Variants in ETV6 observed in about 807,000 individuals in gnomAD.
The protein encoded by ETV6 is ETS variant transcription factor 6.
A neutral mutation model predicts 51.1 loss-of-function variants in ETV6; 16 were observed. That is an observed-to-expected ratio of 0.31 (90% CI 0.21 to 0.48). The LOEUF is 0.48. Ranked by LOEUF, ETV6 falls within the 20% of genes least tolerant of loss-of-function variation. The pLI is 0.99. For missense variants in ETV6, 458 were observed against 594.8 expected, an observed-to-expected ratio of 0.77 and a Z score of 2.39; for synonymous variants, 240 against 224.1, an observed-to-expected ratio of 1.07 and a Z score of -0.64.
intron 1 of ETV6, among the ~76,000 whole-genome samples, chr12:11,706,295 C>T (rs1490230881): frequency 6.6e-6 from 1 of 152,192 alleles, no homozygotes; most frequent in Non-Finnish European, 1.5e-5. Flanking sequence ...TCTTACTGTC[C>T]TTGTACACAT....
At chr12:11,749,341 ACACACACAC>A (rs1865975106) in intron 1 of ETV6, among the ~76,000 whole-genome samples, 1 of 111,068 alleles carries the variant, frequency 9.0e-6, no homozygotes. Flanking sequence ...ACACACACAC[ACACACACAC>A]CCCTACTCCC....
At chr12:11,848,652 A>T (rs973492102) in intron 3 of ETV6, among the ~76,000 whole-genome samples, 1 of 152,232 alleles carries the variant, frequency 6.6e-6, no homozygotes, top group African/African-American at 2.4e-5. Flanking sequence ...CCAGGAGTAT[A>T]TCTAGATTTT....
Position 11,891,145 on chromosome 12 carries a change from G to T in ETV6, c.*99G>T. The T allele has an allele frequency of 6.7e-6, 6 of 901,098 alleles. No homozygotes were observed. Among genetic ancestry groups the T allele is most frequent in the Non-Finnish European group, 3.5e-6 (2 of 575,924 alleles). 55.8% of individuals were successfully genotyped at this position (901,098 alleles called of 1,614,324 possible). A position where few individuals can be genotyped will look rare whatever the true frequency, so the allele number is the denominator to read the frequency against. ...CGGAGCAGGCGGGCTGAGGAGAGTGGAAAAGGAAGCGACCCAGAAATGGCA... is the reference window on the plus strand; with the variant it reads ...CGGAGCAGGCGGGCTGAGGAGAGTGTAAAAGGAAGCGACCCAGAAATGGCA... On this transcript the variant is annotated 3_prime_UTR_variant, in exon 8 of 8. Coordinates refer to ENST00000396373, the MANE Select transcript of ETV6 (RefSeq NM_001987.5).
At chr12:11,873,506 T>C (rs1946917982) in intron 5 of ETV6, among the ~76,000 whole-genome samples, 1 of 44,270 alleles carries the variant, frequency 2.3e-5, no homozygotes, top group Admixed American at 3.0e-4. Context: ...AAAACTTAGT[T>C]CCTTAAAGCT....
chr12:11,710,812 A>G (rs1865159410), intron 1 of ETV6, among the ~76,000 whole-genome samples: 1 of 152,176 alleles, frequency 6.6e-6, no homozygotes, highest in African/African-American at 2.4e-5. Flanking sequence ...CCTGAGCCCT[A>G]AGAAGAAATC....
At chr12:11,686,462 T>G (rs568024872) in intron 1 of ETV6, among the ~76,000 whole-genome samples, 1 of 152,364 alleles carries the variant, frequency 6.6e-6, no homozygotes, top group South Asian at 2.1e-4. Context: ...TTTGCACACC[T>G]TGATTGTCAG....
intron 1 of ETV6, among the ~76,000 whole-genome samples, chr12:11,688,641 T>C (rs1177935879): frequency 6.6e-6 from 1 of 152,198 alleles, no homozygotes; most frequent in Non-Finnish European, 1.5e-5. Context: ...CTCAGGGCCC[T>C]CTTTATGCTT....
intron 2 of ETV6, among the ~76,000 whole-genome samples, chr12:11,766,025 A>G (rs12304250): frequency 0.025 from 3,870 of 152,220 alleles, 164 homozygotes; most frequent in African/African-American, 0.084. Flanking sequence ...GGCGGCTCAC[A>G]GGAGGTGATG....
At chr12:11,842,770 A>G (rs1946409779) in intron 3 of ETV6, among the ~76,000 whole-genome samples, 1 of 152,232 alleles carries the variant, frequency 6.6e-6, no homozygotes, top group African/African-American at 2.4e-5. Context: ...AAAGCAGGAA[A>G]GCTAGTTAGA....
chr12:11,799,514 C>A (rs984915293), intron 2 of ETV6, among the ~76,000 whole-genome samples: 1 of 152,156 alleles, frequency 6.6e-6, no homozygotes, highest in Non-Finnish European at 1.5e-5. Context: ...GAGAGGAGAA[C>A]CCGTGGCTCT....
chr12:11,715,385 A>G (rs1865255372), intron 1 of ETV6, among the ~76,000 whole-genome samples: 1 of 152,206 alleles, frequency 6.6e-6, no homozygotes, highest in Non-Finnish European at 1.5e-5. Flanking sequence ...GGTCACCATT[A>G]CTAGATACAT....
At chr12:11,819,428 G>A (rs931947271) in intron 2 of ETV6, among the ~76,000 whole-genome samples, 15 of 152,152 alleles carry the variant, frequency 9.9e-5, no homozygotes, top group Admixed American at 2.0e-4. Flanking sequence ...CTACTCCAGC[G>A]GCTTCAACGA....
chr12:11,713,959 A>G (rs575641359), intron 1 of ETV6, among the ~76,000 whole-genome samples: 107 of 152,344 alleles, frequency 7.0e-4, no homozygotes, highest in African/African-American at 2.5e-3. Context: ...CTTACTTCCC[A>G]GAGGATGTGG....
At chr12:11,849,235 C>G (rs139715034) in intron 3 of ETV6, among the ~76,000 whole-genome samples, 2 of 152,036 alleles carry the variant, frequency 1.3e-5, no homozygotes, top group African/African-American at 4.8e-5. Context: ...CTCAGCCTCC[C>G]GAGTAGCCGG....
At chr12:11,777,422 G>A (rs1169942819) in intron 2 of ETV6, among the ~76,000 whole-genome samples, 1 of 151,858 alleles carries the variant, frequency 6.6e-6, no homozygotes, top group Non-Finnish European at 1.5e-5. Flanking sequence ...ATTGTGGGTA[G>A]AATTTCTTTC....
chr12:11,886,419 A>G (rs1947185062), intron 7 of ETV6, among the ~76,000 whole-genome samples: 1 of 152,170 alleles, frequency 6.6e-6, no homozygotes, highest in African/African-American at 2.4e-5. Flanking sequence ...AATGCAGGTA[A>G]TGACCCACAG....
intron 2 of ETV6, among the ~76,000 whole-genome samples, chr12:11,802,574 C>G (rs1854349918): frequency 6.6e-6 from 1 of 152,216 alleles, no homozygotes; most frequent in African/African-American, 2.4e-5. Flanking sequence ...ATGGTTGACA[C>G]TGTATGCTGT....
At chr12:11,874,811 A>T (rs17818396) in intron 5 of ETV6, among the ~76,000 whole-genome samples, 1 of 149,180 alleles carries the variant, frequency 6.7e-6, no homozygotes, top group South Asian at 2.1e-4. Context: ...AGATACATGC[A>T]GAATTGTTCT....
intron 1 of ETV6, among the ~76,000 whole-genome samples, chr12:11,662,605 TAG>T (rs1167327203): frequency 1.3e-5 from 2 of 152,224 alleles, no homozygotes; most frequent in Non-Finnish European, 2.9e-5. Flanking sequence ...TGGATGAGAA[TAG>T]AGTCTTCTGC....
Sources: allele counts gnomAD v4.1 joint callset (sites outside exome capture counted in the v4.1 genomes callset), GRCh38; gene constraint gnomAD v4.1.1; transcripts MANE v1.5; gene names NCBI Gene and HGNC (gene_info 2026-07-23, HGNC 2026-07-21).